Variants in ZC3H6 observed in about 807,000 individuals in gnomAD.
ZC3H6 encodes the protein zinc finger CCCH domain-containing protein 6.
ZC3H6 carries 40 observed loss-of-function variants against 107.7 expected under a neutral mutation model. The ratio of observed to expected loss-of-function variants is 0.37; its 90% CI spans 0.29 to 0.48. ZC3H6 has a LOEUF of 0.48. ZC3H6 is among the 20% of genes least tolerant of loss of function. The pLI is 0.98. For missense variants in ZC3H6, 1,267 were observed against 1,410.4 expected, an observed-to-expected ratio of 0.90 and a Z score of 1.63; for synonymous variants, 493 against 487.9, an observed-to-expected ratio of 1.01 and a Z score of -0.14.
chr2:112,282,508 C>T (rs552920608), intron 1 of ZC3H6, among the ~76,000 whole-genome samples: 1 of 152,242 alleles, frequency 6.6e-6, no homozygotes, highest in South Asian at 2.1e-4. Context: ...GAAATAGGTC[C>T]TATTATTAGG....
intron 1 of ZC3H6, among the ~76,000 whole-genome samples, chr2:112,298,284 G>A (rs1025520380): frequency 4.6e-5 from 7 of 151,932 alleles, no homozygotes; most frequent in Admixed American, 2.0e-4. Context: ...AAAGAAGGAC[G>A]GTGACACAAA....
chr2:112,276,350 G>A (rs1229777647), intron 1 of ZC3H6, among the ~76,000 whole-genome samples: 2 of 151,522 alleles, frequency 1.3e-5, no homozygotes, highest in East Asian at 1.9e-4. Context: ...CTGAGGTCCT[G>A]CTTCTGCCCG....
At chr2:112,315,053 A>G (rs1676671519) in intron 5 of ZC3H6, among the ~76,000 whole-genome samples, 1 of 152,202 alleles carries the variant, frequency 6.6e-6, no homozygotes. Flanking sequence ...ATTGAACTTT[A>G]TGCTCTATCT....
At chr2:112,320,901 AAAGT>A (rs1361666078) in intron 7 of ZC3H6, among the ~76,000 whole-genome samples, 1 of 152,142 alleles carries the variant, frequency 6.6e-6, no homozygotes, top group East Asian at 1.9e-4. Flanking sequence ...CTGCAGTTTT[AAAGT>A]AAGTTTTAAA....
chr2:112,306,233 C>T (rs1256463010), intron 3 of ZC3H6, among the ~76,000 whole-genome samples: 2 of 143,826 alleles, frequency 1.4e-5, no homozygotes, highest in African/African-American at 5.3e-5. Context: ...AGTGCAGTGG[C>T]GTGATCTTGG....
At chr2:112,320,589 C>T (rs553277604) in intron 7 of ZC3H6, among the ~76,000 whole-genome samples, 168 of 152,138 alleles carry the variant, frequency 1.1e-3, no homozygotes, top group Non-Finnish European at 2.3e-3. Flanking sequence ...ATAATAAAAA[C>T]AAATAAAATG....
intron 2 of ZC3H6, among the ~76,000 whole-genome samples, chr2:112,302,201 C>T (rs757801935): frequency 3.0e-4 from 45 of 152,028 alleles, no homozygotes; most frequent in Non-Finnish European, 5.6e-4. Flanking sequence ...TTTAAATAGA[C>T]ACTATTTATT....
At chr2:112,306,016 CCTAT>C (rs906518598) in intron 3 of ZC3H6, among the ~76,000 whole-genome samples, 6 of 152,080 alleles carry the variant, frequency 3.9e-5, no homozygotes, top group Non-Finnish European at 7.4e-5. Context: ...TGCCTTTAAA[CCTAT>C]CTATTAAGTA....
chr2:112,285,610 A>C (rs1403097645), intron 1 of ZC3H6, among the ~76,000 whole-genome samples: 2 of 151,294 alleles, frequency 1.3e-5, no homozygotes, highest in Non-Finnish European at 2.9e-5. Flanking sequence ...TGCTGGCCTC[A>C]GTCTTCCAAA....
Position 112,332,634 on chromosome 2 carries a change from C to T in ZC3H6, c.*146C>T, listed in dbSNP as rs1321414511. 7.6e-6 allele frequency: 5 copies of T among 662,168 alleles called. No individual in the cohort carries two copies. In the East Asian group the frequency reaches 1.5e-4, roughly 20 times the overall value. 41.0% of individuals were successfully genotyped at this position (662,168 alleles called of 1,614,324 possible). On this transcript the variant is annotated 3_prime_UTR_variant, in exon 12 of 12. Coordinates refer to ENST00000409871, the MANE Select transcript of ZC3H6 (RefSeq NM_198581.3). ...GTATCAGAACCACATGAAGTTATAG[C>T]CTCTAAAGCCTGTGGTATTTTATAT...
chr2:112,288,892 C>CACT (rs2104697196), intron 1 of ZC3H6, among the ~76,000 whole-genome samples: 1 of 152,210 alleles, frequency 6.6e-6, no homozygotes, highest in African/African-American at 2.4e-5. Flanking sequence ...CACTATATTC[C>CACT]ACTCTCTCTT....
At chr2:112,326,069 T>A (rs1320099313) in intron 11 of ZC3H6, among the ~76,000 whole-genome samples, 1 of 152,008 alleles carries the variant, frequency 6.6e-6, no homozygotes, top group Non-Finnish European at 1.5e-5. Flanking sequence ...TTATAATTTT[T>A]AAATTATTTT....
rs1275214603 is a variant in ZC3H6, at chr2:112,339,316, G to A, written c.*6828G>A. ...AAATTTGCCCTCAAATGTTTGAGAG[G>A]GAAGTCACATATGATAGAAAAATAT... is the stretch of plus-strand genomic sequence containing the variant. On this transcript the variant is annotated 3_prime_UTR_variant, in exon 12 of 12. Coordinates refer to ENST00000409871, the MANE Select transcript of ZC3H6 (RefSeq NM_198581.3). The A allele has an allele frequency of 6.6e-6, 1 of 152,080 alleles. No homozygotes were observed. The highest frequency in any genetic ancestry group is 1.5e-5 in the Non-Finnish European group (1 of 68,008). 9.4% of individuals were successfully genotyped at this position (152,080 alleles called of 1,614,324 possible).
At chr2:112,330,551 G>A (rs1327366599) in intron 11 of ZC3H6, among the ~76,000 whole-genome samples, 1 of 152,116 alleles carries the variant, frequency 6.6e-6, no homozygotes, top group Non-Finnish European at 1.5e-5. Flanking sequence ...TCAGAGCTAG[G>A]AAGCTTAAGG....
In ZC3H6 at chr2:112,316,347, A is replaced by G. The variant is rs1676694863; in HGVS notation, c.748-123A>G. 9 of 632,308 alleles carry G rather than the reference A, an allele frequency of 1.4e-5. No homozygotes were observed. The South Asian group carries it at 1.8e-4, about 13-fold the overall frequency. 39.2% of individuals were successfully genotyped at this position (632,308 alleles called of 1,614,324 possible). Reference sequence around the variant, plus strand: ...TCTCCAAATAAATGAATAGCATCAGAATGTTCAATCTTGATCACTTTTTGT... The same window carrying G: ...TCTCCAAATAAATGAATAGCATCAGGATGTTCAATCTTGATCACTTTTTGT... On this transcript the variant is annotated intron_variant, in intron 5 of 11. Coordinates refer to ENST00000409871, the MANE Select transcript of ZC3H6 (RefSeq NM_198581.3).
At chr2:112,303,477 T>A in intron 3 of ZC3H6, 126 bp downstream of exon 3, 1 of 644,312 alleles carries the variant, frequency 1.6e-6, no homozygotes, top group Non-Finnish European at 2.5e-6. Flanking sequence ...TCACCACTTA[T>A]CCATTTCTAG....
chr2:112,285,607 C>T (rs568656893), intron 1 of ZC3H6, among the ~76,000 whole-genome samples: 1 of 152,020 alleles, frequency 6.6e-6, no homozygotes, highest in South Asian at 2.1e-4. Flanking sequence ...ATCTGCTGGC[C>T]TCAGTCTTCC....
chr2:112,297,291 TGAA>T (rs1013460665), intron 1 of ZC3H6, among the ~76,000 whole-genome samples: 1 of 152,214 alleles, frequency 6.6e-6, no homozygotes, highest in Non-Finnish European at 1.5e-5. Flanking sequence ...ATCATATCAT[TGAA>T]GATTTATGGC....
At position 112,338,863 on chromosome 2, in the gene ZC3H6, A is replaced by G. The variant is rs1358183504; in HGVS notation, c.*6375A>G. On this transcript the variant is annotated 3_prime_UTR_variant, in exon 12 of 12. Transcript: ENST00000409871. The stretch of plus-strand genomic sequence containing the variant: ...TATGTATGTATATGTGTGTATATAT[A>G]TATATATATATATATATATATATAT... 184 of 3,446 alleles carry G rather than the reference A, an allele frequency of 0.053. 10 individuals are homozygous for G. The highest frequency in any genetic ancestry group is 0.09 in the African/African-American group (12 of 134). The allele number at this position is 3,446 out of a possible 1,614,324, so 0.2% of individuals were successfully genotyped here.
Sources: gnomAD v4.1 joint callset for allele counts (sites outside exome capture counted in the v4.1 genomes callset) on GRCh38, gnomAD v4.1.1 for gene constraint, MANE v1.5 for transcripts, NCBI Gene and HGNC (gene_info 2026-07-23, HGNC 2026-07-21) for gene names.